RSPO2: variants seen among roughly 807,000 people sequenced by gnomAD.
The protein encoded by RSPO2 is R-spondin 2, also known as R-spondin-2.
A neutral mutation model predicts 30.9 loss-of-function variants in RSPO2; 14 were observed. The ratio of observed to expected loss-of-function variants is 0.45; its 90% CI spans 0.30 to 0.71. The LOEUF is 0.71. Ranked by LOEUF, RSPO2 falls within the 30% of genes least tolerant of loss-of-function variation. The pLI is 0.08. For missense variants in RSPO2, 264 were observed against 301.9 expected (o/e 0.87, Z 0.93); for synonymous variants, 107 against 96.4 (o/e 1.11, Z -0.64).
chr8:107,901,015 A>C lies in RSPO2; in HGVS notation c.*60T>G, dbSNP rs1811441620. ...TGCACACCAGTGTGCAGGAGTGGAG[A>C]GTAGCTTTGTGCACATTTGCAAAAA... On this transcript the variant is annotated 3_prime_UTR_variant, in exon 6 of 6. Coordinates refer to ENST00000276659, the MANE Select transcript of RSPO2 (RefSeq NM_178565.5). 2 of 1,574,014 alleles carry C rather than the reference A, an allele frequency of 1.3e-6. No homozygotes were observed. Among genetic ancestry groups the C allele is most frequent in the African/African-American group, 2.7e-5 (2 of 73,572 alleles).
In RSPO2 at chr8:108,058,380, T is replaced by A. The variant is rs536654156; in HGVS notation, c.94+24165A>T. On this transcript the variant is annotated intron_variant, in intron 2 of 5. Coordinates refer to ENST00000276659, the MANE Select transcript of RSPO2 (RefSeq NM_178565.5). The stretch of plus-strand genomic sequence containing the variant: ...AAACAAATGGAAGAACATTCCATAC[T>A]CATGGGTAGGAAGAATCAATATCAT... 3.5e-4 allele frequency among the ~76,000 whole-genome samples: 54 copies of A among 152,310 alleles called. 1 individual carries two copies. Among genetic ancestry groups the A allele is most frequent in the South Asian group, 2.9e-3 (14 of 4,828 alleles).
At chr8:107,954,536 C>T (rs1813353732) in intron 5 of RSPO2, among the ~76,000 whole-genome samples, 1 of 151,998 alleles carries the variant, frequency 6.6e-6, no homozygotes, top group South Asian at 2.1e-4. Flanking sequence ...CTCTTTTTTT[C>T]CACTTGTTTC....
intron 5 of RSPO2, among the ~76,000 whole-genome samples, chr8:107,901,555 C>T (rs1811464108): frequency 6.6e-6 from 1 of 152,210 alleles, no homozygotes; most frequent in Admixed American, 6.5e-5. Flanking sequence ...CTCCACGTGT[C>T]AGTGGGTCAA....
At chr8:107,999,313 T>C (rs1010602521) in intron 2 of RSPO2, among the ~76,000 whole-genome samples, 5 of 152,150 alleles carry the variant, frequency 3.3e-5, no homozygotes, top group African/African-American at 1.2e-4. Flanking sequence ...CCCTCAAATA[T>C]GGAAATCATC....
chr8:107,939,821 G>A (rs1812838281), intron 5 of RSPO2, among the ~76,000 whole-genome samples: 1 of 151,982 alleles, frequency 6.6e-6, no homozygotes, highest in African/African-American at 2.4e-5. Flanking sequence ...TGATTTTTCT[G>A]GGACTGTCTG....
chr8:107,955,678 T>C (rs1813408002), intron 5 of RSPO2, among the ~76,000 whole-genome samples: 1 of 152,192 alleles, frequency 6.6e-6, no homozygotes, highest in African/African-American at 2.4e-5. Context: ...TCATATTTAA[T>C]AGTTTTCAGT....
chr8:107,900,850 A>AAGTC lies in RSPO2; in HGVS notation c.*221_*224dup. The AAGTC allele has an allele frequency of 2.3e-6, 1 of 444,036 alleles. No homozygotes were observed. Among genetic ancestry groups the AAGTC allele is most frequent in the Non-Finnish European group, 4.0e-6 (1 of 251,002 alleles). The allele number at this position is 444,036 out of a possible 1,614,324, so 27.5% of individuals were successfully genotyped here. On this transcript the variant is annotated 3_prime_UTR_variant, in exon 6 of 6. Coordinates refer to ENST00000276659, the MANE Select transcript of RSPO2 (RefSeq NM_178565.5). ...GGATTCTCTCAGCACACACTGAGCCAAGTCACGGGCTGTGCACTTACTCCT... is the reference window on the plus strand; with the variant it reads ...GGATTCTCTCAGCACACACTGAGCCAAGTCAGTCACGGGCTGTGCACTTACTCCT...
chr8:108,032,820 G>A (rs976956941), intron 2 of RSPO2, among the ~76,000 whole-genome samples: 5 of 151,608 alleles, frequency 3.3e-5, no homozygotes, highest in Non-Finnish European at 5.9e-5. Context: ...TTTACTTTGG[G>A]AGGCCGAGGC....
chr8:108,062,967 G>T (rs979122936), intron 2 of RSPO2, among the ~76,000 whole-genome samples: 1 of 151,832 alleles, frequency 6.6e-6, no homozygotes, highest in African/African-American at 2.4e-5. Flanking sequence ...AAAGGACTTT[G>T]ACAAAATTCA....
chr8:108,020,823 G>A (rs941450817), intron 2 of RSPO2, among the ~76,000 whole-genome samples: 16 of 152,176 alleles, frequency 1.1e-4, no homozygotes, highest in South Asian at 2.1e-4. Context: ...TCTGAGGCAC[G>A]CTGGAGTCTT....
rs559943515 is a variant in RSPO2 at position 108,055,024 on chromosome 8, G to A, written c.94+27521C>T. On this transcript the variant is annotated intron_variant, in intron 2 of 5. Transcript: ENST00000276659. ...TAGTCCCAGCTACTCAGGGGGCTGA[G>A]GTGGGAGGATCGCTTGAGCCCAGGA... 6.6e-4 allele frequency among the ~76,000 whole-genome samples: 100 copies of A among 152,318 alleles called. 1 individual carries two copies. The highest frequency in any genetic ancestry group is 1.2e-3 in the South Asian group (6 of 4,824).
intron 2 of RSPO2, among the ~76,000 whole-genome samples, chr8:108,002,978 T>C (rs1815299171): frequency 6.6e-6 from 1 of 151,888 alleles, no homozygotes; most frequent in Non-Finnish European, 1.5e-5. Flanking sequence ...TCACTGTTGG[T>C]AAAAGTCAAA....
At chr8:108,057,364 T>C (rs1022796648) in intron 2 of RSPO2, among the ~76,000 whole-genome samples, 1 of 152,156 alleles carries the variant, frequency 6.6e-6, no homozygotes, top group Non-Finnish European at 1.5e-5. Flanking sequence ...GAAAGGTTAT[T>C]GGTAGTTGTA....
chr8:107,962,224 AT>A (rs1386227418), intron 3 of RSPO2, among the ~76,000 whole-genome samples: 1 of 152,190 alleles, frequency 6.6e-6, no homozygotes, highest in East Asian at 1.9e-4. Flanking sequence ...TAAAAAAAAA[AT>A]GTAGCCAAAA....
At chr8:107,988,713 C>T (rs528439950) in intron 3 of RSPO2, among the ~76,000 whole-genome samples, 8 of 152,064 alleles carry the variant, frequency 5.3e-5, no homozygotes, top group Middle Eastern at 3.2e-3. Flanking sequence ...CTGCAACCTC[C>T]GCCTCCCAGG....
chr8:107,937,771 C>T (rs904588298), intron 5 of RSPO2, among the ~76,000 whole-genome samples: 4 of 152,066 alleles, frequency 2.6e-5, no homozygotes, highest in Non-Finnish European at 1.5e-5. Context: ...TCTAAATTTG[C>T]AATTCTACAT....
At chr8:107,933,811 T>C (rs993210433) in intron 5 of RSPO2, among the ~76,000 whole-genome samples, 4 of 152,208 alleles carry the variant, frequency 2.6e-5, no homozygotes, top group African/African-American at 9.6e-5. Flanking sequence ...TTAAAGACCT[T>C]GTACTTGGAC....
At chr8:107,983,200 G>C (rs1274247355) in intron 3 of RSPO2, 2 of 1,569,162 alleles carry the variant, frequency 1.3e-6, no homozygotes, top group Non-Finnish European at 8.7e-7. Context: ...CAAATACGAA[G>C]AGGCTATTTC....
At chr8:108,026,292 G>C (rs554756874) in intron 2 of RSPO2, among the ~76,000 whole-genome samples, 1 of 152,226 alleles carries the variant, frequency 6.6e-6, no homozygotes, top group East Asian at 1.9e-4. Context: ...AATAAAGTAT[G>C]ACCACTAAAT....
Sources: allele counts gnomAD v4.1 joint callset (sites outside exome capture counted in the v4.1 genomes callset), GRCh38; gene constraint gnomAD v4.1.1; transcripts MANE v1.5; gene names NCBI Gene and HGNC (gene_info 2026-07-23, HGNC 2026-07-21).